Variants in SLC38A1 observed in about 807,000 individuals in gnomAD.
The protein encoded by SLC38A1 is sodium-coupled neutral amino acid symporter 1.
In SLC38A1, 18 loss-of-function variants were observed where a neutral mutation model predicts 60.3. The ratio of observed to expected loss-of-function variants is 0.30; its 90% CI spans 0.21 to 0.44. The LOEUF is 0.44. SLC38A1 is among the 20% of genes least tolerant of loss of function. The pLI, the probability that SLC38A1 is intolerant of heterozygous loss-of-function variation, is 1.00. For missense variants in SLC38A1, 448 were observed against 587.2 expected (o/e 0.76, Z 2.45); for synonymous variants, 196 against 212.1 (o/e 0.92, Z 0.66).
Position 46,216,435 on chromosome 12 carries a change from T to C in SLC38A1, c.315-7308A>G, listed in dbSNP as rs547342963. ...GCCAGTGGAAACAGGAAGTAGGGCA[T>C]GAGTAGAAGGTTTAAGTGAGGGACC... On this transcript the variant is annotated intron_variant, in intron 5 of 16. Coordinates refer to ENST00000398637, the MANE Select transcript of SLC38A1 (RefSeq NM_030674.4). 1.3e-4 allele frequency among the ~76,000 whole-genome samples: 20 copies of C among 152,110 alleles called. No homozygotes were observed. In the East Asian group the frequency reaches 3.9e-3, roughly 29 times the overall value.
chr12:46,195,151 C>T (rs1216301010), intron 16 of SLC38A1, among the ~76,000 whole-genome samples: 2 of 152,286 alleles, frequency 1.3e-5, no homozygotes, highest in South Asian at 4.2e-4. Flanking sequence ...GATGTTGATG[C>T]TATTGCTTTC....
intron 5 of SLC38A1, among the ~76,000 whole-genome samples, chr12:46,217,487 T>A (rs1447296487): frequency 6.6e-6 from 1 of 152,234 alleles, no homozygotes; most frequent in Non-Finnish European, 1.5e-5. Flanking sequence ...ATTTTCAAAA[T>A]GGTTTAATGG....
intron 16 of SLC38A1, among the ~76,000 whole-genome samples, chr12:46,190,582 T>A (rs770943279): frequency 2.0e-5 from 3 of 152,216 alleles, no homozygotes; most frequent in Non-Finnish European, 2.9e-5. Flanking sequence ...TTTCTCCACA[T>A]CCTCTCCAGC....
At chr12:46,216,791 C>T (rs1033759974) in intron 5 of SLC38A1, among the ~76,000 whole-genome samples, 4 of 151,704 alleles carry the variant, frequency 2.6e-5, no homozygotes, top group East Asian at 1.9e-4. Context: ...ACCCGGGAGG[C>T]GGAGGTTGCA....
chr12:46,210,775 G>C (rs77036366), intron 5 of SLC38A1, among the ~76,000 whole-genome samples: 1 of 152,060 alleles, frequency 6.6e-6, no homozygotes, highest in Non-Finnish European at 1.5e-5. Flanking sequence ...TGTGTTGTTC[G>C]CCTTCCGCCA....
chr12:46,229,661 A>G (rs1592119078), intron 3 of SLC38A1, 22 bp from the exon 4 acceptor site: 1 of 1,583,268 alleles, frequency 6.3e-7, no homozygotes, highest in Non-Finnish European at 8.7e-7. Flanking sequence ...TGCGTAATAT[A>G]TTTAACCTTA....
chr12:46,247,295 T>C (rs1941655389), intron 1 of SLC38A1, among the ~76,000 whole-genome samples: 1 of 152,126 alleles, frequency 6.6e-6, no homozygotes, highest in Non-Finnish European at 1.5e-5. Context: ...GAAAAAACAT[T>C]AGATGAATGG....
At chr12:46,241,406 A>G (rs1941443573) in intron 2 of SLC38A1, among the ~76,000 whole-genome samples, 1 of 152,152 alleles carries the variant, frequency 6.6e-6, no homozygotes, top group Non-Finnish European at 1.5e-5. Context: ...TATTCTTTTC[A>G]TTCACACAGT....
intron 1 of SLC38A1, among the ~76,000 whole-genome samples, chr12:46,255,213 T>A (rs949967908): frequency 5.3e-5 from 8 of 152,204 alleles, no homozygotes; most frequent in African/African-American, 1.9e-4. Context: ...TGTCTGTGGA[T>A]AACAAAATCT....
At chr12:46,258,604 C>T (rs1942104242) in intron 1 of SLC38A1, among the ~76,000 whole-genome samples, 1 of 152,126 alleles carries the variant, frequency 6.6e-6, no homozygotes. Context: ...TGTCAGTGCT[C>T]AGAGTTTTAA....
chr12:46,250,239 CAT>C (rs577742251), intron 1 of SLC38A1, among the ~76,000 whole-genome samples: 167 of 152,278 alleles, frequency 1.1e-3, no homozygotes, highest in Middle Eastern at 3.4e-3. Context: ...ACAAAAACCA[CAT>C]GATTATCTCA....
At chr12:46,196,334 T>C in intron 16 of SLC38A1, 4 of 1,529,160 alleles carry the variant, frequency 2.6e-6, no homozygotes, top group Non-Finnish European at 3.5e-6. Context: ...CATACCATCC[T>C]GGGTCCAGTC....
intron 1 of SLC38A1, among the ~76,000 whole-genome samples, chr12:46,245,699 T>C (rs541493276): frequency 1.2e-4 from 18 of 152,258 alleles, no homozygotes; most frequent in African/African-American, 4.1e-4. Context: ...CACTGAGCTG[T>C]GATCATGCCA....
intron 5 of SLC38A1, among the ~76,000 whole-genome samples, chr12:46,215,280 C>G (rs1285757645): frequency 6.6e-6 from 1 of 152,230 alleles, no homozygotes; most frequent in African/African-American, 2.4e-5. Flanking sequence ...ACAGACCCCA[C>G]GGCTACCCAA....
At chr12:46,208,830 G>C (rs923229522) in intron 6 of SLC38A1, among the ~76,000 whole-genome samples, 1 of 152,160 alleles carries the variant, frequency 6.6e-6, no homozygotes, top group Non-Finnish European at 1.5e-5. Context: ...TTCACTTTAA[G>C]TGACAACATT....
intron 5 of SLC38A1, among the ~76,000 whole-genome samples, chr12:46,219,968 C>T (rs540949782): frequency 4.6e-5 from 7 of 152,350 alleles, no homozygotes; most frequent in African/African-American, 4.8e-5. Flanking sequence ...CACACGCACA[C>T]ACACCCCTAC....
intron 5 of SLC38A1, among the ~76,000 whole-genome samples, chr12:46,226,465 C>A (rs1409240976): frequency 6.6e-6 from 1 of 151,236 alleles, no homozygotes; most frequent in East Asian, 1.9e-4. Context: ...GGACATATCC[C>A]AAAAATTACA....
At position 46,201,206 on chromosome 12, in the gene SLC38A1, C is replaced by A. The variant is rs1939643744; in HGVS notation, c.903-8G>T. ...ATTTTTTTCTGTGATCGGCTAAAAA[C>A]AAATAAATGTTAAAAATTAAAAATC... On this transcript the variant is annotated splice_polypyrimidine_tract_variant and splice_region_variant and intron_variant, in intron 12 of 16. Transcript: ENST00000398637. 1 of 1,601,762 alleles carries A rather than the reference C, an allele frequency of 6.2e-7. No homozygotes were observed. The highest frequency in any genetic ancestry group is 8.5e-7 in the Non-Finnish European group (1 of 1,171,712).
At chr12:46,191,974 T>C (rs967567687) in intron 16 of SLC38A1, among the ~76,000 whole-genome samples, 2 of 152,230 alleles carry the variant, frequency 1.3e-5, no homozygotes, top group African/African-American at 4.8e-5. Flanking sequence ...CTATGTTGAA[T>C]AGGAGTGGTG....
Sources: gnomAD v4.1 joint callset for allele counts (sites outside exome capture counted in the v4.1 genomes callset) on GRCh38, gnomAD v4.1.1 for gene constraint, MANE v1.5 for transcripts, NCBI Gene and HGNC (gene_info 2026-07-23, HGNC 2026-07-21) for gene names.